ABCC1: variants seen among roughly 807,000 people sequenced by gnomAD.
The protein encoded by ABCC1 is multidrug resistance-associated protein 1.
Under a neutral mutation model 172.9 loss-of-function variants are expected in ABCC1, and 83 were observed. The ratio of observed to expected loss-of-function variants is 0.48; its 90% confidence interval spans 0.40 to 0.58. The LOEUF (loss-of-function observed/expected upper bound fraction) is 0.58, where lower values mean the gene tolerates loss of function less well. Among genes scored for constraint, ABCC1 ranks in the 20% least tolerant of loss-of-function variants. The probability of loss-of-function intolerance (pLI) is 0.00; values close to 1 mark genes in which losing one functional copy is unlikely to be tolerated. For synonymous variants in ABCC1, 937 were observed against 825.2 expected (o/e 1.14, Z -2.32); for missense variants, 1,817 against 2,002.7 (o/e 0.91, Z 1.77).
rs144728627 is a variant in ABCC1, at chr16:16,122,229, C to G, written c.3590+55C>G. The G allele has an allele frequency of 3.2e-6, 5 of 1,584,494 alleles. No individual in the cohort carries two copies. In the East Asian group the frequency reaches 6.7e-5, roughly 21 times the overall value. ...GGAGGAGGCCGCCTTAGCACCTTGT[C>G]TCTTTGCCTCGATCTTTTCCTCGCA... On this transcript the variant is annotated intron_variant, in intron 24 of 30. Transcript: ENST00000399410.
chr16:16,028,750 C>T (rs557719819), intron 5 of ABCC1, among the ~76,000 whole-genome samples: 53 of 152,236 alleles, frequency 3.5e-4, no homozygotes, highest in African/African-American at 1.0e-3. Flanking sequence ...GGGGATAGGT[C>T]GAGCAAGCAG....
intron 1 of ABCC1, among the ~76,000 whole-genome samples, chr16:15,963,749 A>C (rs2046187918): frequency 6.6e-6 from 1 of 152,184 alleles, no homozygotes; most frequent in East Asian, 1.9e-4. Context: ...CCCTGGACCC[A>C]GCCCAGGAAA....
intron 12 of ABCC1, among the ~76,000 whole-genome samples, chr16:16,065,641 C>G (rs1030864786): frequency 4.6e-5 from 7 of 152,182 alleles, no homozygotes; most frequent in African/African-American, 1.7e-4. Flanking sequence ...CCCTGTCAGA[C>G]AGGCTGGTCT....
chr16:16,091,434 A>AT (rs1224394098), intron 19 of ABCC1, among the ~76,000 whole-genome samples: 1 of 149,740 alleles, frequency 6.7e-6, no homozygotes, highest in Non-Finnish European at 1.5e-5. Context: ...TTCAGATGCT[A>AT]TTAAGTGCTT....
rs773917553 is a variant in ABCC1 at position 16,008,007 on chromosome 16, G to A, written c.225+15G>A. 3.4e-6 allele frequency: 2 copies of A among 595,304 alleles called. No individual in the cohort carries two copies. Among genetic ancestry groups the A allele is most frequent in the Non-Finnish European group, 5.7e-6 (2 of 353,242 alleles). The allele number at this position is 595,304 out of a possible 1,614,324, so 36.9% of individuals were successfully genotyped here. A position where few individuals can be genotyped will look rare whatever the true frequency, so the allele number is the denominator to read the frequency against. On this transcript the variant is annotated intron_variant, in intron 2 of 30. Transcript: ENST00000399410. ...AAACCAAAACTGTAAGTCACTGGGG[G>A]GTTTCGTTGTGGGGGGTGGGAAGGT...
chr16:16,042,228 C>A (rs992099135), intron 7 of ABCC1, among the ~76,000 whole-genome samples: 33 of 150,622 alleles, frequency 2.2e-4, no homozygotes, highest in Non-Finnish European at 4.1e-4. Flanking sequence ...CCAGTCACCC[C>A]CTTCCCAGGC....
intron 1 of ABCC1, among the ~76,000 whole-genome samples, chr16:15,973,666 G>A (rs1227492237): frequency 2.0e-5 from 3 of 151,986 alleles, no homozygotes; most frequent in Non-Finnish European, 2.9e-5. Flanking sequence ...TCCAGCAATC[G>A]TGTGATGCAG....
intron 22 of ABCC1, 39 bp downstream of exon 22, chr16:16,111,621 CCT>C (rs2052394211): frequency 6.4e-7 from 1 of 1,568,270 alleles, no homozygotes; most frequent in Admixed American, 1.8e-5. Context: ...GATTTGGGCC[CCT>C]GTTGTGGCTT....
chr16:16,021,649 G>A (rs1423149753), intron 5 of ABCC1, among the ~76,000 whole-genome samples: 2 of 152,152 alleles, frequency 1.3e-5, no homozygotes, highest in African/African-American at 4.8e-5. Flanking sequence ...CCCGGGAGGC[G>A]GAGGTTGCAG....
At chr16:16,101,400 G>A (rs79686715) in intron 19 of ABCC1, among the ~76,000 whole-genome samples, 3,422 of 152,226 alleles carry the variant, frequency 0.022, 54 homozygotes, top group Middle Eastern at 0.041. Flanking sequence ...TCCTGGCATG[G>A]AGTGCCTCCC....
At chr16:16,094,680 AT>A (rs924947437) in intron 19 of ABCC1, among the ~76,000 whole-genome samples, 21 of 148,818 alleles carry the variant, frequency 1.4e-4, no homozygotes, top group African/African-American at 5.2e-4. Context: ...TGCCCAGCTA[AT>A]TTTTTTTGTA....
rs376223290 is a variant in ABCC1 at position 16,036,477 on chromosome 16, T to C, written c.683T>C (p.Ile228Thr). ...RITFWWITGL[I>T]VRGYRQPLEG... ...CCCTTGTGTCTTGGCCCCAGGTTGA[T>C]TGTCCGGGGCTACCGCCAGCCCCTG... The change falls in exon 7 of 31, where the codon ATT becomes ACT. Residue 228 changes from isoleucine (I) to threonine (T), a missense_variant. Transcript: ENST00000399410. 2.7e-5 allele frequency: 43 copies of C among 1,612,690 alleles called. No homozygotes were observed. The highest frequency in any genetic ancestry group is 3.4e-5 in the Non-Finnish European group (40 of 1,179,352).
intron 23 of ABCC1, among the ~76,000 whole-genome samples, chr16:16,120,535 GGTGGAGCTGCTT>G (rs1264694070): frequency 6.6e-6 from 1 of 152,148 alleles, no homozygotes; most frequent in Non-Finnish European, 1.5e-5. Flanking sequence ...CGCGAGGGTG[GGTGGAGCTGCTT>G]GTGAAACGTA....
chr16:15,961,986 AG>A (rs1288699687), intron 1 of ABCC1, among the ~76,000 whole-genome samples: 1 of 152,224 alleles, frequency 6.6e-6, no homozygotes, highest in African/African-American at 2.4e-5. Flanking sequence ...CTAGGTTGAC[AG>A]TATGTGCATT....
intron 26 of ABCC1, among the ~76,000 whole-genome samples, chr16:16,127,185 A>G (rs2045476772): frequency 6.6e-6 from 1 of 152,088 alleles, no homozygotes; most frequent in African/African-American, 2.4e-5. Flanking sequence ...CCAGACTTAA[A>G]CGTTTAATAT....
intron 4 of ABCC1, among the ~76,000 whole-genome samples, chr16:16,015,875 C>G (rs984162465): frequency 6.6e-6 from 1 of 152,128 alleles, no homozygotes; most frequent in Non-Finnish European, 1.5e-5. Context: ...TAAGAACCAC[C>G]GGTGGTTTAT....
intron 19 of ABCC1, 126 bp downstream of exon 19, chr16:16,090,714 T>C: frequency 4.8e-6 from 5 of 1,044,844 alleles, no homozygotes; most frequent in Non-Finnish European, 6.6e-6. Context: ...GGGTGGGAGC[T>C]GGATGGAGCC....
chr16:16,118,656 T>C (rs2045011526), intron 23 of ABCC1, among the ~76,000 whole-genome samples: 1 of 151,878 alleles, frequency 6.6e-6, no homozygotes, highest in Non-Finnish European at 1.5e-5. Context: ...ATTTTTATTT[T>C]TCAACAACAA....
At chr16:16,125,746 A>AAAAAAAAAG in intron 25 of ABCC1, 64 bp from the exon 26 acceptor site, 1 of 1,213,532 alleles carries the variant, frequency 8.2e-7, no homozygotes, top group Non-Finnish European at 1.2e-6. Context: ...GTGGAAAAAA[A>AAAAAAAAAG]GAAAAAGGAA....
Sources: gnomAD v4.1 joint callset for allele counts (sites outside exome capture counted in the v4.1 genomes callset) on GRCh38, gnomAD v4.1.1 for gene constraint, MANE v1.5 for transcripts, NCBI Gene and HGNC (gene_info 2026-07-23, HGNC 2026-07-21) for gene names.